Variants in MLF1 observed in about 807,000 individuals in gnomAD.
The protein encoded by MLF1 is myeloid leukemia factor 1.
Under a neutral mutation model 38.3 loss-of-function variants are expected in MLF1, and 37 were observed. The ratio of observed to expected loss-of-function variants is 0.96; its 90% CI spans 0.74 to 1.27. MLF1 has a LOEUF of 1.27. MLF1 is among the 50% of genes most tolerant of loss of function. MLF1 has a pLI of 0.00. For missense variants in MLF1, 331 were observed against 349.2 expected (o/e 0.95, Z 0.42); for synonymous variants, 95 against 106.5 (o/e 0.89, Z 0.66).
At chr3:158,582,552 AC>A (rs1273727902) in intron 1 of MLF1, 1 of 256,186 alleles carries the variant, frequency 3.9e-6, no homozygotes, top group African/African-American at 2.2e-5. Context: ...TCGTATTTAA[AC>A]TGTAGAAAAT....
chr3:158,591,020 T>C (rs1718036256), intron 1 of MLF1: 1 of 436,508 alleles, frequency 2.3e-6, no homozygotes, highest in Non-Finnish European at 4.5e-6. Flanking sequence ...CTGAGCTCTT[T>C]TGGAATAGGT....
intron 3 of MLF1, among the ~76,000 whole-genome samples, chr3:158,596,502 T>C (rs925532946): frequency 5.9e-5 from 9 of 152,150 alleles, no homozygotes; most frequent in Non-Finnish European, 1.3e-4. Flanking sequence ...ATGAAAACTA[T>C]CGTATGCTAG....
chr3:158,581,663 A>T (rs528828634), intron 1 of MLF1, among the ~76,000 whole-genome samples: 1 of 152,310 alleles, frequency 6.6e-6, no homozygotes, highest in East Asian at 1.9e-4. Context: ...TTTCAACAAA[A>T]TATTACGAGG....
At chr3:158,588,068 G>T (rs1052980608) in intron 1 of MLF1, among the ~76,000 whole-genome samples, 1 of 152,154 alleles carries the variant, frequency 6.6e-6, no homozygotes, top group Non-Finnish European at 1.5e-5. Context: ...ACACATGATG[G>T]CTTACTTCGG....
intron 1 of MLF1, among the ~76,000 whole-genome samples, chr3:158,582,388 TAGG>T (rs376405774): frequency 2.4e-3 from 366 of 151,112 alleles, no homozygotes; most frequent in African/African-American, 8.6e-3. Flanking sequence ...TAACCTGTAA[TAGG>T]AGTACCATAG....
chr3:158,588,493 C>CG (rs1461421236), intron 1 of MLF1, among the ~76,000 whole-genome samples: 2 of 149,760 alleles, frequency 1.3e-5, no homozygotes, highest in Admixed American at 6.7e-5. Context: ...CCCAGCTACT[C>CG]GGGGGGCTGA....
At chr3:158,579,692 A>G (rs748043761) in intron 1 of MLF1, among the ~76,000 whole-genome samples, 1 of 152,220 alleles carries the variant, frequency 6.6e-6, no homozygotes, top group Admixed American at 6.5e-5. Flanking sequence ...TTGATTCTGT[A>G]GAAAAGTAAT....
intron 7 of MLF1, among the ~76,000 whole-genome samples, chr3:158,603,186 C>T (rs2566343): frequency 0.91 from 138,170 of 152,258 alleles, 62,950 homozygotes; most frequent in East Asian, 1. Flanking sequence ...CCTCAGAAGA[C>T]AGAGACCAAA....
intron 7 of MLF1, among the ~76,000 whole-genome samples, chr3:158,603,417 A>T (rs1243864215): frequency 6.6e-6 from 1 of 152,256 alleles, no homozygotes; most frequent in African/African-American, 2.4e-5. Context: ...GTAACAGTAC[A>T]TGCAATACCA....
chr3:158,596,284 C>T (rs1718863195), intron 3 of MLF1, among the ~76,000 whole-genome samples: 1 of 152,080 alleles, frequency 6.6e-6, no homozygotes. Context: ...GTATAGCCTA[C>T]TGACCCTTCA....
intron 6 of MLF1, among the ~76,000 whole-genome samples, chr3:158,600,779 T>C (rs1344664290): frequency 4.0e-5 from 6 of 151,610 alleles, no homozygotes; most frequent in African/African-American, 1.4e-4. Context: ...ACTTAGGCTT[T>C]TGTATAGACA....
intron 1 of MLF1, 27 bp from the exon 2 acceptor site, chr3:158,592,407 T>A: frequency 6.3e-7 from 1 of 1,581,690 alleles, no homozygotes; most frequent in Non-Finnish European, 8.6e-7. Context: ...ACACTGAATC[T>A]TTCATGATTA....
chr3:158,600,221 A>C (rs537134206), intron 6 of MLF1, 48 bp downstream of exon 6: 1 of 1,246,180 alleles, frequency 8.0e-7, no homozygotes. Flanking sequence ...ATTTAAAATA[A>C]CAGCCGTACT....
chr3:158,588,931 C>A, intron 1 of MLF1: 1 of 455,678 alleles, frequency 2.2e-6, no homozygotes, highest in Non-Finnish European at 4.4e-6. Context: ...ACATGTAAGT[C>A]CCATGTACTA....
rs373208111 is a variant in MLF1, at chr3:158,596,889, A to G, written c.268A>G (p.Met90Val). Reference sequence around the variant, plus strand: ...TACAGATGTCAGCTCTTTCCAGACAATGGACCAAATGGTGTCAAATATGAG... The same window carrying G: ...TACAGATGTCAGCTCTTTCCAGACAGTGGACCAAATGGTGTCAAATATGAG... ...MHTDVSSFQT[M>V]DQMVSNMRNY... Residue 90 changes from methionine (M) to valine (V), a missense_variant, in exon 4 of 8, where the codon ATG becomes GTG. Met to Val is a conservative substitution (Grantham distance 21). Coordinates refer to ENST00000466246, the MANE Select transcript of MLF1 (RefSeq NM_001369783.1). 8.7e-6 allele frequency: 14 copies of G among 1,610,144 alleles called. No individual in the cohort carries two copies. Among genetic ancestry groups the G allele is most frequent in the Middle Eastern group, 3.3e-4 (2 of 6,036 alleles).
Position 158,605,497 on chromosome 3 carries a change from G to C in MLF1, c.*295G>C. 4.0e-6 allele frequency: 1 copy of C among 250,410 alleles called. No homozygotes were observed. Among genetic ancestry groups the C allele is most frequent in the Non-Finnish European group, 7.7e-6 (1 of 129,592 alleles). The allele number at this position is 250,410 out of a possible 1,614,324, so 15.5% of individuals were successfully genotyped here. A position where few individuals can be genotyped will look rare whatever the true frequency, so the allele number is the denominator to read the frequency against. ...CGCTTCCCCAGTTGTTTTTGTGTTG[G>C]CTAAATATTCTTTTATATTTATCAA... On this transcript the variant is annotated 3_prime_UTR_variant, in exon 8 of 8. Coordinates refer to ENST00000466246, the MANE Select transcript of MLF1 (RefSeq NM_001369783.1).
chr3:158,586,025 A>G (rs1717194313), intron 1 of MLF1, among the ~76,000 whole-genome samples: 1 of 152,084 alleles, frequency 6.6e-6, no homozygotes, highest in Admixed American at 6.6e-5. Flanking sequence ...TTTGTATGGC[A>G]TAGTGGCAGG....
intron 1 of MLF1, among the ~76,000 whole-genome samples, chr3:158,588,130 G>T (rs1232252835): frequency 6.6e-6 from 1 of 152,194 alleles, no homozygotes; most frequent in Non-Finnish European, 1.5e-5. Context: ...CCACCTGAAT[G>T]AGCTTAGAAG....
intron 5 of MLF1, among the ~76,000 whole-genome samples, chr3:158,599,361 G>A (rs1473961588): frequency 6.6e-6 from 1 of 152,000 alleles, no homozygotes; most frequent in East Asian, 1.9e-4. Flanking sequence ...CTACTTCCTT[G>A]TTAGTACTTA....
Sources: allele counts gnomAD v4.1 joint callset (sites outside exome capture counted in the v4.1 genomes callset), GRCh38; gene constraint gnomAD v4.1.1; transcripts MANE v1.5; gene names NCBI Gene and HGNC (gene_info 2026-07-23, HGNC 2026-07-21).